PCLO: variants seen among roughly 807,000 people sequenced by gnomAD.
The protein encoded by PCLO is protein piccolo.
PCLO carries 82 observed loss-of-function variants against 427.5 expected under a neutral mutation model. The ratio of observed to expected loss-of-function variants is 0.19; its 90% CI spans 0.16 to 0.23. The LOEUF (loss-of-function observed/expected upper bound fraction) is 0.23, where lower values mean the gene tolerates loss of function less well. PCLO is among the 10% of genes least tolerant of loss of function. The pLI, the probability that PCLO is intolerant of heterozygous loss-of-function variation, is 1.00. For missense variants in PCLO, 6,239 were observed against 6,115.9 expected, an observed-to-expected ratio of 1.02 and a Z score of -0.67; for synonymous variants, 2,357 against 2,155.4, an observed-to-expected ratio of 1.09 and a Z score of -2.59.
intron 3 of PCLO, among the ~76,000 whole-genome samples, chr7:82,981,541 T>C (rs1796146914): frequency 1.3e-5 from 2 of 152,268 alleles, no homozygotes; most frequent in South Asian, 4.1e-4. Flanking sequence ...GGTTGGCAGA[T>C]GTCTCTTTCT....
At chr7:83,136,066 C>G (rs1186151692) in intron 2 of PCLO, among the ~76,000 whole-genome samples, 1 of 151,726 alleles carries the variant, frequency 6.6e-6, no homozygotes, top group East Asian at 1.9e-4. Flanking sequence ...CCATTGCACT[C>G]CAACCTGGGT....
rs184297192 is a variant in PCLO, at chr7:82,891,437, T to A, written c.13528+11214A>T. 2.1e-3 allele frequency among the ~76,000 whole-genome samples: 319 copies of A among 152,268 alleles called. 3 individuals are homozygous for A. Among genetic ancestry groups the A allele is most frequent in the African/African-American group, 7.5e-3 (311 of 41,570 alleles). On this transcript the variant is annotated intron_variant, in intron 9 of 24. Transcript: ENST00000333891. Reference sequence around the variant, plus strand: ...TTATCAGCTTAAGGAGATTTTGGGCTGAGATGATGGGGTTTTCTAGATATA... The same window carrying A: ...TTATCAGCTTAAGGAGATTTTGGGCAGAGATGATGGGGTTTTCTAGATATA...
intron 3 of PCLO, among the ~76,000 whole-genome samples, chr7:83,113,361 G>C (rs372241081): frequency 7.9e-5 from 12 of 152,188 alleles, no homozygotes; most frequent in African/African-American, 2.6e-4. Flanking sequence ...TTGAAGCTTA[G>C]TTTCATCCAT....
Position 83,133,148 on chromosome 7 carries a change from T to G in PCLO, c.3300+1102A>C, listed in dbSNP as rs544900384. Among the ~76,000 whole-genome samples, 10 of 152,060 alleles carry G rather than the reference T, an allele frequency of 6.6e-5. No homozygotes were observed. In the South Asian group the frequency reaches 2.1e-3, roughly 32 times the overall value. On this transcript the variant is annotated intron_variant, in intron 3 of 24. Transcript: ENST00000333891. The stretch of plus-strand genomic sequence containing the variant: ...ATGTCTTTTTAAAGTAAAATGAAAT[T>G]TTTCTATGGTTTATTTTTTAAAAAA...
chr7:82,855,110 T>G (rs1459983385), intron 10 of PCLO, among the ~76,000 whole-genome samples: 1 of 152,068 alleles, frequency 6.6e-6, no homozygotes, highest in African/African-American at 2.4e-5. Flanking sequence ...AATTGTAAAA[T>G]AAACAGATTC....
chr7:83,066,683 T>C (rs927693973), intron 3 of PCLO, among the ~76,000 whole-genome samples: 10 of 152,206 alleles, frequency 6.6e-5, no homozygotes, highest in African/African-American at 2.2e-4. Context: ...TTAAATTATG[T>C]TGAGAAATGA....
At chr7:83,084,086 T>G (rs866069648) in intron 3 of PCLO, among the ~76,000 whole-genome samples, 16 of 152,204 alleles carry the variant, frequency 1.1e-4, no homozygotes, top group Non-Finnish European at 1.9e-4. Context: ...AATGTCCAAC[T>G]TTGTCAACTA....
chr7:82,979,124 T>A (rs1796091063), intron 3 of PCLO, among the ~76,000 whole-genome samples: 1 of 152,274 alleles, frequency 6.6e-6, no homozygotes, highest in Middle Eastern at 3.4e-3. Context: ...GTTACTCATT[T>A]ATAGAAGTTA....
chr7:82,949,570 T>C lies in PCLO; in HGVS notation c.11018A>G (p.Lys3673Arg), dbSNP rs756021330. 3.1e-5 allele frequency: 50 copies of C among 1,613,944 alleles called. No individual in the cohort carries two copies. Among genetic ancestry groups the C allele is most frequent in the Non-Finnish European group, 4.2e-5 (49 of 1,179,848 alleles). ...GTCAGACATAGAACGCTGCATCATC[T>C]TGGCTGTCTTAGGACTTGCTGGGGG... ...KVPPASPKTA[K>R]MMQRSMSDPK... The change falls in exon 6 of 25, where the codon AAG (lysine) becomes AGG (arginine). Residue 3673 changes from lysine to arginine, a missense_variant. Transcript: ENST00000333891.
chr7:83,148,096 A>C (rs950803027), intron 2 of PCLO, among the ~76,000 whole-genome samples: 3 of 152,188 alleles, frequency 2.0e-5, no homozygotes, highest in African/African-American at 7.2e-5. Flanking sequence ...GCAGGAGTGA[A>C]GAAAACATCT....
intron 3 of PCLO, among the ~76,000 whole-genome samples, chr7:83,005,502 T>C (rs545965744): frequency 1.3e-5 from 2 of 151,688 alleles, no homozygotes; most frequent in Non-Finnish European, 3.0e-5. Flanking sequence ...AAGTACAGCA[T>C]GGTGAGTATA....
chr7:82,898,504 A>G (rs1793961664), intron 9 of PCLO, among the ~76,000 whole-genome samples: 1 of 151,472 alleles, frequency 6.6e-6, no homozygotes, highest in South Asian at 2.1e-4. Flanking sequence ...CTATTAAAAT[A>G]TTATAAAAGA....
intron 22 of PCLO, among the ~76,000 whole-genome samples, chr7:82,767,108 C>T (rs1034100218): frequency 5.9e-5 from 9 of 152,052 alleles, no homozygotes; most frequent in Admixed American, 1.3e-4. Context: ...TCCAGATCTG[C>T]TTGAGCCTTT....
chr7:82,777,794 G>A (rs1010267651), intron 22 of PCLO, among the ~76,000 whole-genome samples: 14 of 152,168 alleles, frequency 9.2e-5, no homozygotes, highest in African/African-American at 2.7e-4. Context: ...AAACCAAAAA[G>A]TATAAAAACC....
At chr7:83,013,238 C>A (rs1483840927) in intron 3 of PCLO, among the ~76,000 whole-genome samples, 1 of 151,986 alleles carries the variant, frequency 6.6e-6, no homozygotes, top group Non-Finnish European at 1.5e-5. Context: ...TAACAATACA[C>A]CATTAATAAT....
chr7:82,879,841 T>A (rs1222745598), intron 9 of PCLO: 1 of 455,036 alleles, frequency 2.2e-6, no homozygotes, highest in Non-Finnish European at 4.4e-6. Context: ...AGAGCAGTAA[T>A]GACTATTCCA....
intron 9 of PCLO, among the ~76,000 whole-genome samples, chr7:82,887,404 A>G (rs1793652909): frequency 6.6e-6 from 1 of 152,104 alleles, no homozygotes; most frequent in Non-Finnish European, 1.5e-5. Context: ...GTTCACATAC[A>G]TTTTACATTT....
At chr7:83,087,354 T>A (rs1172600913) in intron 3 of PCLO, among the ~76,000 whole-genome samples, 3 of 152,006 alleles carry the variant, frequency 2.0e-5, no homozygotes, top group South Asian at 2.1e-4. Flanking sequence ...GGGTACAACG[T>A]ACACTACTGG....
intron 8 of PCLO, among the ~76,000 whole-genome samples, chr7:82,907,217 A>G (rs1185033849): frequency 6.6e-6 from 1 of 152,020 alleles, no homozygotes; most frequent in Non-Finnish European, 1.5e-5. Flanking sequence ...AGTGTTGATA[A>G]TAAATATTCC....
Sources: allele counts gnomAD v4.1 joint callset (sites outside exome capture counted in the v4.1 genomes callset), GRCh38; gene constraint gnomAD v4.1.1; transcripts MANE v1.5; gene names NCBI Gene and HGNC (gene_info 2026-07-23, HGNC 2026-07-21).